The following TBL1X variants were observed in gnomAD, a reference collection of about 807,000 sequenced individuals.
The protein encoded by TBL1X is transducin beta like 1 X-linked, also known as F-box-like/WD repeat-containing protein TBL1X.
A neutral mutation model predicts 50.7 loss-of-function variants in TBL1X; 10 were observed. The observed-to-expected ratio is 0.20, with a 90% CI of 0.12 to 0.33. TBL1X has a LOEUF of 0.33. Ranked by LOEUF, TBL1X falls within the 10% of genes least tolerant of loss-of-function variation. The pLI is 1.00. For synonymous variants in TBL1X, 190 were observed against 214.7 expected, an observed-to-expected ratio of 0.88 and a Z score of 1.01; for missense variants, 340 against 504.4, an observed-to-expected ratio of 0.67 and a Z score of 3.12.
intron 12 of TBL1X, among the ~76,000 whole-genome samples, chrX:9,701,718 A>G (rs1181886319): frequency 9.0e-6 from 1 of 111,275 alleles, no homozygotes; most frequent in Non-Finnish European, 1.9e-5. Context: ...AGGAGTCATC[A>G]GATGCTGGTC....
intron 2 of TBL1X, among the ~76,000 whole-genome samples, chrX:9,507,348 CAA>C (rs1312546608): frequency 2.6e-4 from 29 of 111,324 alleles, no homozygotes; most frequent in Admixed American, 1.9e-4. Flanking sequence ...ACAATTGCCA[CAA>C]AGAGAATAAA....
chrX:9,590,380 G>GTCAC (rs766367826), intron 2 of TBL1X, among the ~76,000 whole-genome samples: 37,221 of 108,493 alleles, frequency 0.34, 4,766 homozygotes, highest in East Asian at 0.67. Context: ...TTTTAAAAAA[G>GTCAC]TCAGATGAAA....
intron 16 of TBL1X, among the ~76,000 whole-genome samples, chrX:9,713,248 A>G (rs888144335): frequency 9.0e-6 from 1 of 110,933 alleles, no homozygotes; most frequent in African/African-American, 3.3e-5. Context: ...TCTCAGCACT[A>G]GTGTCCAAGA....
At chrX:9,600,197 G>T (rs774442128) in intron 2 of TBL1X, among the ~76,000 whole-genome samples, 289 of 111,188 alleles carry the variant, frequency 2.6e-3, no homozygotes, top group African/African-American at 8.8e-3. Flanking sequence ...ATAAAAAATA[G>T]AAATGTATTG....
chrX:9,640,192 A>G (rs1481265956), intron 2 of TBL1X, 81 bp from the exon 3 acceptor site: 1 of 112,479 alleles, frequency 8.9e-6, no homozygotes, highest in Non-Finnish European at 1.9e-5. Flanking sequence ...GAAAAAACCT[A>G]AAGGAACGGG....
chrX:9,542,513 G>T (rs1461075710), intron 2 of TBL1X, among the ~76,000 whole-genome samples: 1 of 111,969 alleles, frequency 8.9e-6, no homozygotes, highest in East Asian at 2.8e-4. Flanking sequence ...ACTGTGGGTA[G>T]TGTGTCTTGT....
intron 12 of TBL1X, among the ~76,000 whole-genome samples, chrX:9,699,084 G>A (rs560042391): frequency 2.7e-5 from 3 of 111,590 alleles, no homozygotes; most frequent in African/African-American, 3.3e-5. Context: ...ATGCTCAAGC[G>A]ATTCTCCTGC....
chrX:9,594,997 A>G (rs1263399866), intron 2 of TBL1X, among the ~76,000 whole-genome samples: 1 of 112,028 alleles, frequency 8.9e-6, no homozygotes, highest in Non-Finnish European at 1.9e-5. Flanking sequence ...AAAACTTAAC[A>G]TTTCATTTTC....
At chrX:9,484,097 TG>T (rs1334088411) in intron 1 of TBL1X, among the ~76,000 whole-genome samples, 1 of 112,104 alleles carries the variant, frequency 8.9e-6, no homozygotes, top group East Asian at 2.8e-4. Context: ...CTCAATCTCC[TG>T]GGCTCAAGCA....
intron 2 of TBL1X, among the ~76,000 whole-genome samples, chrX:9,508,733 T>C (rs1454050595): frequency 1.8e-5 from 2 of 111,848 alleles, no homozygotes; most frequent in Non-Finnish European, 3.8e-5. Flanking sequence ...GTGGCACATA[T>C]ACATCATGGA....
intron 2 of TBL1X, among the ~76,000 whole-genome samples, chrX:9,518,125 A>G (rs1400532173): frequency 2.7e-5 from 3 of 110,799 alleles, no homozygotes; most frequent in African/African-American, 9.9e-5. Flanking sequence ...AAGAAAAGAA[A>G]AAAACAGTAC....
intron 2 of TBL1X, among the ~76,000 whole-genome samples, chrX:9,580,522 A>AG (rs1197560133): frequency 8.9e-6 from 1 of 111,923 alleles, no homozygotes; most frequent in Admixed American, 9.4e-5. Context: ...GTTGAATAGA[A>AG]GGGGAGGCAG....
At chrX:9,512,413 A>G (rs2521370) in intron 2 of TBL1X, among the ~76,000 whole-genome samples, 48,666 of 110,330 alleles carry the variant, frequency 0.44, 7,947 homozygotes, top group Admixed American at 0.56. Context: ...CCTGGTTGCT[A>G]ATGTCTTTGG....
At chrX:9,556,208 A>AC (rs796125282) in intron 2 of TBL1X, among the ~76,000 whole-genome samples, 2,352 of 105,874 alleles carry the variant, frequency 0.022, 35 homozygotes, top group Admixed American at 0.079. Flanking sequence ...AACAAAACAA[A>AC]ACAAAAAAAA....
chrX:9,491,344 T>A (rs1490359273), intron 1 of TBL1X, among the ~76,000 whole-genome samples: 3 of 83,814 alleles, frequency 3.6e-5, no homozygotes, highest in South Asian at 7.7e-4. Flanking sequence ...ATATATTTTT[T>A]TTTTTTTTTT....
At chrX:9,601,018 G>C (rs1028418307) in intron 2 of TBL1X, among the ~76,000 whole-genome samples, 1 of 112,059 alleles carries the variant, frequency 8.9e-6, no homozygotes, top group African/African-American at 3.2e-5. Context: ...TGGAATTTTT[G>C]TTGAACAGAG....
chrX:9,608,405 A>C (rs755954782), intron 2 of TBL1X, among the ~76,000 whole-genome samples: 2 of 111,938 alleles, frequency 1.8e-5, no homozygotes, highest in Admixed American at 1.9e-4. Context: ...TTTTATGTTA[A>C]AATATATCAG....
At position 9,465,113 on chromosome X, in the gene TBL1X, C is replaced by CCCGCCCTCTCCCGCTGCCG. The variant is rs1377633639; in HGVS notation, c.-529_-511dup. ...TGTCCGTGCCAGTCCCTCCCGCTGT[C>CCCGCCCTCTCCCGCTGCCG]CCGCCCTCTCCCGCTGCCGCCGCCG... is the stretch of plus-strand genomic sequence containing the variant. On this transcript the variant is annotated 5_prime_UTR_variant, in exon 1 of 18. Transcript: ENST00000645353. 8.9e-6 allele frequency: 1 copy of CCCGCCCTCTCCCGCTGCCG among 112,513 alleles called. No individual in the cohort carries two copies. The highest frequency in any genetic ancestry group is 1.8e-5 in the Non-Finnish European group (1 of 54,273). The allele number at this position is 112,513 out of a possible 1,213,427, so 9.3% of individuals were successfully genotyped here.
At chrX:9,688,982 G>A (rs1417211019) in intron 7 of TBL1X, among the ~76,000 whole-genome samples, 1 of 113,398 alleles carries the variant, frequency 8.8e-6, no homozygotes, top group African/African-American at 3.2e-5. Context: ...CTGTGTCTGT[G>A]TGCAAGTGTG....
Sources: allele counts gnomAD v4.1 joint callset (sites outside exome capture counted in the v4.1 genomes callset), GRCh38; gene constraint gnomAD v4.1.1; transcripts MANE v1.5; gene names NCBI Gene and HGNC (gene_info 2026-07-23, HGNC 2026-07-21).